Variants in TOP3A observed in about 807,000 individuals in gnomAD.
The protein encoded by TOP3A is DNA topoisomerase III alpha.
TOP3A carries 64 observed loss-of-function variants against 111.3 expected under a neutral mutation model. The ratio of observed to expected loss-of-function variants is 0.57; its 90% CI spans 0.47 to 0.71. TOP3A has a LOEUF of 0.71. Ranked by LOEUF, TOP3A falls within the 30% of genes least tolerant of loss-of-function variation. TOP3A has a pLI of 0.00. For missense variants in TOP3A, 1,104 were observed against 1,285.0 expected (o/e 0.86, Z 2.15); for synonymous variants, 484 against 485.1 (o/e 1.00, Z 0.03).
chr17:18,282,613 G>T, intron 16 of TOP3A, 85 bp downstream of exon 16: 1 of 1,567,854 alleles, frequency 6.4e-7, no homozygotes. Flanking sequence ...AGATTCCATG[G>T]AGTGAAATGG....
At chr17:18,302,513 G>A in intron 6 of TOP3A, 67 bp downstream of exon 6, 1 of 1,597,658 alleles carries the variant, frequency 6.3e-7, no homozygotes, top group South Asian at 1.1e-5. Flanking sequence ...TATCGACACA[G>A]AGCCCATTTT....
At chr17:18,279,860 A>T (rs1304021866) in intron 17 of TOP3A, among the ~76,000 whole-genome samples, 15 of 151,994 alleles carry the variant, frequency 9.9e-5, no homozygotes, top group Admixed American at 8.5e-4. Context: ...CTAATTTAAA[A>T]TTTTTTTTGG....
chr17:18,290,903 C>T lies in TOP3A; in HGVS notation c.1406G>A (p.Gly469Asp), dbSNP rs1018621310. ...DIAQERFVAH[G>D]LMILARNYLD... ...ATAGTTTCGGGCCAGAATCATGAGG[C>T]CATGGGCCACAAAGCGTTCCTGAGC... The change falls in exon 12 of 19, where the codon GGC becomes GAC. Residue 469 changes from glycine to aspartate, a missense_variant. Transcript: ENST00000321105. 6.2e-7 allele frequency: 1 copy of T among 1,614,204 alleles called. No individual in the cohort carries two copies. The highest frequency in any genetic ancestry group is 1.7e-5 in the Admixed American group (1 of 60,014).
chr17:18,286,412 A>T (rs1481533654), intron 13 of TOP3A, among the ~76,000 whole-genome samples: 3 of 151,744 alleles, frequency 2.0e-5, no homozygotes, highest in Non-Finnish European at 4.4e-5. Context: ...GCTACTCAGG[A>T]GGCTGACACA....
intron 9 of TOP3A, among the ~76,000 whole-genome samples, chr17:18,296,706 T>C (rs142723910): frequency 2.6e-5 from 4 of 152,346 alleles, no homozygotes; most frequent in African/African-American, 9.6e-5. Flanking sequence ...GTGTGCTTCT[T>C]AGCCTCCATG....
chr17:18,293,142 T>C (rs892108546), intron 10 of TOP3A, among the ~76,000 whole-genome samples: 1 of 152,226 alleles, frequency 6.6e-6, no homozygotes, highest in Non-Finnish European at 1.5e-5. Context: ...CTGGCCACTC[T>C]GAGGGTCAGT....
Position 18,292,775 on chromosome 17 carries a change from G to C in TOP3A, c.1151C>G (p.Thr384Ser). 1 of 1,614,114 alleles carries C rather than the reference G, an allele frequency of 6.2e-7. No homozygotes were observed. Among genetic ancestry groups the C allele is most frequent in the Non-Finnish European group, 8.5e-7 (1 of 1,180,004 alleles). Reference sequence around the variant, plus strand: ...AAAGGCCCCCCAGCGTGGATCGGGGGTCTGCTGTTCCACCAACACCGTCAG... The same window carrying C: ...AAAGGCCCCCCAGCGTGGATCGGGGCTCTGCTGTTCCACCAACACCGTCAG... ...LNLTVLVEQQ[T>S]PDPRWGAFAQ... The change falls in exon 11 of 19, where the codon ACC (threonine) becomes AGC (serine). Residue 384 changes from threonine to serine, a missense_variant. Thr to Ser is a moderately conservative substitution (Grantham distance 58). Transcript: ENST00000321105.
chr17:18,305,495 C>T (rs866281679), intron 4 of TOP3A, among the ~76,000 whole-genome samples: 43 of 150,454 alleles, frequency 2.9e-4, no homozygotes, highest in South Asian at 8.3e-4. Context: ...CACGCGCGCG[C>T]GCGCGCGCGC....
In TOP3A at chr17:18,277,682, G is replaced by A. The variant is rs140837737; in HGVS notation, c.2820C>T (p.Thr940=). The A allele has an allele frequency of 1.2e-3, 1,963 of 1,605,208 alleles. 4 individuals carry two copies. Among genetic ancestry groups the A allele is most frequent in the Middle Eastern group, 5.3e-3 (32 of 6,004 alleles). The change falls in exon 18 of 19, where the codon ACC becomes ACT. Residue 940 remains threonine, a synonymous_variant. Transcript: ENST00000321105. ...TGCCCCTCCCTGCCTCACCTGGAGC[G>A]GTGTTCTCATCGACCCACTGGAAAA... The part of the protein sequence containing the change: ...CGFFQWVDEN[T]APGTSGAPSW...
At chr17:18,308,218 T>G (rs1981698568) in intron 3 of TOP3A, 133 bp downstream of exon 3, 1 of 439,280 alleles carries the variant, frequency 2.3e-6, no homozygotes, top group African/African-American at 3.2e-5. Context: ...AAACTTTGTC[T>G]CCAACAAAAA....
rs1349025986 is a variant in TOP3A at position 18,274,868 on chromosome 17, T to C, written c.2940A>G (p.Lys980=). 2 of 1,613,958 alleles carry C rather than the reference T, an allele frequency of 1.2e-6. No homozygotes were observed. Among genetic ancestry groups the C allele is most frequent in the East Asian group, 4.5e-5 (2 of 44,874 alleles). ...GGTGGCAAAGGCTGCATTTCCGGGGTTTCTTTGCTGTGGACCCCATGTCTG... is the reference window on the plus strand; with the variant it reads ...GGTGGCAAAGGCTGCATTTCCGGGGCTTCTTTGCTGTGGACCCCATGTCTG... ...SSSDMGSTAK[K]PRKCSLCHQP... The change falls in exon 19 of 19, where the codon AAA becomes AAG. Residue 980 remains lysine (K), a synonymous_variant. Coordinates refer to ENST00000321105, the MANE Select transcript of TOP3A (RefSeq NM_004618.5).
chr17:18,290,452 A>G, intron 13 of TOP3A, 105 bp downstream of exon 13: 1 of 1,255,624 alleles, frequency 8.0e-7, no homozygotes, highest in Non-Finnish European at 1.1e-6. Context: ...GGATAAAGAT[A>G]TAGCAGCTGC....
rs1467852533 is a variant in TOP3A, at chr17:18,297,442, C to CTGTCCCTCTCCCCACGG, written c.990+2116_990+2117insCCGTGGGGAGAGGGACA. Reference sequence around the variant, plus strand: ...CTGCGCCCTGTCCCTGTCCCTGTCCCTCTCCCTCTCCCCACGGTCTCCGTC... The same window carrying CTGTCCCTCTCCCCACGG: ...CTGCGCCCTGTCCCTGTCCCTGTCCCTGTCCCTCTCCCCACGGTCTCCCTCTCCCCACGGTCTCCGTC... On this transcript the variant is annotated intron_variant, in intron 9 of 18. Coordinates refer to ENST00000321105, the MANE Select transcript of TOP3A (RefSeq NM_004618.5). Among the ~76,000 whole-genome samples, 797 of 150,582 alleles carry CTGTCCCTCTCCCCACGG rather than the reference C, an allele frequency of 5.3e-3. 9 individuals are homozygous for CTGTCCCTCTCCCCACGG. The highest frequency in any genetic ancestry group is 0.024 in the Middle Eastern group (7 of 290).
chr17:18,305,179 C>A lies in TOP3A; in HGVS notation c.432G>T (p.Val144=), dbSNP rs28684992. The A allele has an allele frequency of 6.9e-3, 11,178 of 1,614,130 alleles. 299 individuals carry two copies. In the African/African-American group the frequency reaches 0.084, roughly 12 times the overall value. Residue 144 remains valine, a synonymous_variant, in exon 5 of 19, where the codon GTG becomes GTT. Transcript: ENST00000321105. Reference sequence around the variant, plus strand: ...CTTCTCTATCACAGTCAGTCCAGATCACCAGAGCCTGGCACTGGCGAGTCT... The same window carrying A: ...CTTCTCTATCACAGTCAGTCCAGATAACCAGAGCCTGGCACTGGCGAGTCT... The part of the protein sequence containing the change: ...ERETRQCQAL[V]IWTDCDREGE...
At position 18,285,127 on chromosome 17, in the gene TOP3A, C is replaced by A. The variant is rs1026434356; in HGVS notation, c.1877+15G>T. The A allele has an allele frequency of 6.2e-7, 1 of 1,611,996 alleles. No homozygotes were observed. Among genetic ancestry groups the A allele is most frequent in the Non-Finnish European group, 8.5e-7 (1 of 1,179,892 alleles). ...AACATAGTGAGACCCCTCTGTATTT[C>A]TTTTAAGGACTTACTTCTTTGCTTT... On this transcript the variant is annotated intron_variant, in intron 15 of 18. Coordinates refer to ENST00000321105, the MANE Select transcript of TOP3A (RefSeq NM_004618.5).
intron 9 of TOP3A, among the ~76,000 whole-genome samples, chr17:18,295,616 G>A (rs1980748199): frequency 6.9e-6 from 1 of 145,652 alleles, no homozygotes; most frequent in South Asian, 2.2e-4. Flanking sequence ...TGCTCACCAT[G>A]GCTGGCTAAT....
intron 7 of TOP3A, 113 bp from the exon 8 acceptor site, chr17:18,302,098 G>C: frequency 7.3e-7 from 1 of 1,365,746 alleles, no homozygotes; most frequent in Non-Finnish European, 1.0e-6. Flanking sequence ...ATAGGGAGGA[G>C]TTTCTGGATA....
chr17:18,291,609 G>C (rs1024985987), intron 11 of TOP3A, among the ~76,000 whole-genome samples: 3 of 152,052 alleles, frequency 2.0e-5, no homozygotes, highest in African/African-American at 7.2e-5. Flanking sequence ...AAACAGATTT[G>C]GCAAAATAAA....
intron 9 of TOP3A, among the ~76,000 whole-genome samples, chr17:18,297,721 C>T (rs916687241): frequency 6.6e-6 from 1 of 151,986 alleles, no homozygotes; most frequent in Non-Finnish European, 1.5e-5. Context: ...TCGTTCACTC[C>T]GTGCTCAATG....
Sources: gnomAD v4.1 joint callset for allele counts (sites outside exome capture counted in the v4.1 genomes callset) on GRCh38, gnomAD v4.1.1 for gene constraint, MANE v1.5 for transcripts, NCBI Gene and HGNC (gene_info 2026-07-23, HGNC 2026-07-21) for gene names.